SHF: variants seen among roughly 807,000 people sequenced by gnomAD.
SHF encodes SH2 domain-containing adapter protein F.
In SHF, 30 loss-of-function variants were observed where a neutral mutation model predicts 42.4. That is an observed-to-expected ratio of 0.71 (90% CI 0.53 to 0.96). The LOEUF (loss-of-function observed/expected upper bound fraction) is 0.96, where lower values mean the gene tolerates loss of function less well. SHF is among the 40% of genes least tolerant of loss of function. SHF has a pLI of 0.00. For missense variants in SHF, 598 were observed against 634.0 expected (o/e 0.94, Z 0.61); for synonymous variants, 264 against 269.9 (o/e 0.98, Z 0.21).
At chr15:45,177,530 C>T (rs1475670597) in intron 2 of SHF, among the ~76,000 whole-genome samples, 1 of 152,204 alleles carries the variant, frequency 6.6e-6, no homozygotes, top group African/African-American at 2.4e-5. Context: ...CTATGAAGCA[C>T]TGCTCCGCCC....
intron 2 of SHF, among the ~76,000 whole-genome samples, chr15:45,177,852 C>G (rs141364666): frequency 6.6e-6 from 1 of 152,180 alleles, no homozygotes; most frequent in African/African-American, 2.4e-5. Context: ...ACTCATCCCC[C>G]CTCCCAAGGC....
At chr15:45,198,577 A>AGCCCCTTGCCGT in intron 2 of SHF, 1 of 574,114 alleles carries the variant, frequency 1.7e-6, no homozygotes, top group Admixed American at 3.5e-5. Flanking sequence ...AAAAATACCG[A>AGCCCCTTGCCGT]GCCCCTTGCC....
intron 2 of SHF, among the ~76,000 whole-genome samples, chr15:45,177,294 G>A (rs1042517729): frequency 2.0e-5 from 3 of 152,150 alleles, no homozygotes; most frequent in African/African-American, 4.8e-5. Flanking sequence ...CCCCCACTAG[G>A]CCTACTGAGT....
rs1034243322 is a variant in SHF at position 45,175,565 on chromosome 15, A to G, written c.641-140T>C. The G allele has an allele frequency of 3.7e-6, 3 of 815,938 alleles. No individual in the cohort carries two copies. The African/African-American group carries it at 5.2e-5, about 14-fold the overall frequency. 50.5% of individuals were successfully genotyped at this position (815,938 alleles called of 1,614,324 possible). ...TCTGGGGGGAGCTCAGCAACCACAC[A>G]TCCTGGGTTCCTCACCCTCAAAACA... On this transcript the variant is annotated intron_variant, in intron 2 of 6. Transcript: ENST00000690270.
At chr15:45,183,333 AT>A (rs1898222202) in intron 1 of SHF, among the ~76,000 whole-genome samples, 1 of 35,592 alleles carries the variant, frequency 2.8e-5, no homozygotes, top group African/African-American at 1.5e-4. Flanking sequence ...GGTCTAACAC[AT>A]GTCAGCTGCT....
chr15:45,178,013 G>A (rs756672924), intron 2 of SHF, among the ~76,000 whole-genome samples, 152 bp downstream of exon 2: 5 of 152,154 alleles, frequency 3.3e-5, no homozygotes, highest in Non-Finnish European at 5.9e-5. Context: ...AAATGACTCT[G>A]AAAGGCAATG....
chr15:45,188,540 C>T (rs1157457124), upstream of SHF, among the ~76,000 whole-genome samples: 1 of 152,234 alleles, frequency 6.6e-6, no homozygotes, highest in East Asian at 1.9e-4. Flanking sequence ...ACGTTACTTC[C>T]CGATCCAGGC....
At chr15:45,181,874 C>A (rs1057366083) in intron 1 of SHF, among the ~76,000 whole-genome samples, 3 of 152,142 alleles carry the variant, frequency 2.0e-5, no homozygotes, top group African/African-American at 7.2e-5. Context: ...AAAATAAAAC[C>A]ACGGCTGGTA....
chr15:45,194,796 G>A (rs1898816907), intron 2 of SHF, among the ~76,000 whole-genome samples: 1 of 152,144 alleles, frequency 6.6e-6, no homozygotes, highest in Non-Finnish European at 1.5e-5. Context: ...CCTTTTAGTT[G>A]GGAATGGTAT....
intron 2 of SHF, among the ~76,000 whole-genome samples, chr15:45,194,461 C>T (rs994980714): frequency 1.3e-5 from 2 of 151,998 alleles, no homozygotes; most frequent in African/African-American, 4.8e-5. Flanking sequence ...CAGCGATTCT[C>T]CTGCCTCAGC....
intron 6 of SHF, chr15:45,170,287 T>C (rs929564557): frequency 8.0e-6 from 9 of 1,120,632 alleles, no homozygotes; most frequent in Non-Finnish European, 1.0e-5. Context: ...TTATTTTCTG[T>C]CTATAAAAAA....
intron 6 of SHF, 124 bp from the exon 7 acceptor site, chr15:45,168,257 G>A: frequency 2.2e-6 from 2 of 923,528 alleles, no homozygotes; most frequent in Admixed American, 2.9e-5. Context: ...GAGAATGACA[G>A]GTGATTAGGG....
upstream of SHF, among the ~76,000 whole-genome samples, chr15:45,190,347 T>G (rs548050280): frequency 6.6e-6 from 1 of 152,332 alleles, no homozygotes; most frequent in Admixed American, 6.5e-5. Flanking sequence ...TCAGAGAGTC[T>G]CCACAGTCAC....
chr15:45,175,875 A>G (rs1298756371), intron 2 of SHF, among the ~76,000 whole-genome samples: 5 of 148,162 alleles, frequency 3.4e-5, no homozygotes, highest in Admixed American at 2.7e-4. Context: ...CTGGAGTGCA[A>G]TGGCACGATC....
intron 1 of SHF, 149 bp downstream of exon 1, chr15:45,187,305 G>A: frequency 2.9e-6 from 2 of 700,188 alleles, no homozygotes; most frequent in African/African-American, 1.8e-5. Flanking sequence ...AAAGGTGGGT[G>A]AAGGCTCGGA....
rs1477144379 is a variant in SHF, at chr15:45,168,061, G to A, written c.1353C>T (p.Ser451=). Residue 451 remains serine (S), a synonymous_variant, in exon 7 of 7, where the codon AGC becomes AGT. Transcript: ENST00000690270. The stretch of plus-strand genomic sequence containing the variant: ...TTTCAGGGACGCTGCTGAAGGGCGG[G>A]CTGTTCTGGCCCAGCACATATTTGT... ...KEHKYVLGQN[S]PPFSSVPEIV... is the part of the protein sequence containing the mutation. 6.2e-7 allele frequency: 1 copy of A among 1,613,266 alleles called. No homozygotes were observed. The highest frequency in any genetic ancestry group is 8.5e-7 in the Non-Finnish European group (1 of 1,179,590).
chr15:45,170,305 A>G (rs940604745), intron 6 of SHF: 10 of 1,186,132 alleles, frequency 8.4e-6, no homozygotes, highest in South Asian at 2.9e-5. Context: ...AAAGAGATCT[A>G]TCTTGCAGGG....
chr15:45,175,341 G>A lies in SHF; in HGVS notation c.725C>T (p.Ala242Val), dbSNP rs771627073. 2.3e-5 allele frequency: 37 copies of A among 1,602,382 alleles called. No homozygotes were observed. Among genetic ancestry groups the A allele is most frequent in the African/African-American group, 4.0e-5 (3 of 74,638 alleles). ...PYEPEEDGAT[A>V]EGEGAPWPRE... ...GGGCCAGGGGGCCCCCTCACCTTCC[G>A]CGGTGGCCCCATCCTCCTCTGGCTC... Residue 242 changes from alanine to valine, a missense_variant, in exon 3 of 7, where the codon GCG becomes GTG. Physicochemically the swap from Ala to Val is moderately conservative, Grantham distance 64. This residue lies in a region of SHF where 439 missense variants were observed against 524.6 expected (regional missense o/e 0.84). Coordinates refer to ENST00000690270, the MANE Select transcript of SHF (RefSeq NM_001394037.1).
At chr15:45,185,821 C>T (rs1462157387) in intron 1 of SHF, among the ~76,000 whole-genome samples, 1 of 152,250 alleles carries the variant, frequency 6.6e-6, no homozygotes, top group Non-Finnish European at 1.5e-5. Context: ...CTCCGACCCT[C>T]ACGCCACCCT....
Sources: gnomAD v4.1 joint callset for allele counts (sites outside exome capture counted in the v4.1 genomes callset) on GRCh38, gnomAD v4.1.1 for gene constraint, gnomAD v4.1.1 regional missense constraint, MANE v1.5 for transcripts, NCBI Gene and HGNC (gene_info 2026-07-23, HGNC 2026-07-21) for gene names.